Variants in ELF1 observed in about 807,000 individuals in gnomAD.
ELF1 encodes the protein E74 like ETS transcription factor 1, also known as ETS-related transcription factor Elf-1.
In ELF1, 24 loss-of-function variants were observed where a neutral mutation model predicts 59.9. The observed-to-expected ratio is 0.40, with a 90% CI of 0.29 to 0.56. The LOEUF is 0.56. ELF1 is among the 20% of genes least tolerant of loss of function. ELF1 has a pLI of 0.44. For missense variants in ELF1, 627 were observed against 742.2 expected, an observed-to-expected ratio of 0.84 and a Z score of 1.80; for synonymous variants, 248 against 266.2, an observed-to-expected ratio of 0.93 and a Z score of 0.67.
chr13:40,992,401 T>C (rs530544139), intron 1 of ELF1, among the ~76,000 whole-genome samples: 9 of 152,340 alleles, frequency 5.9e-5, no homozygotes, highest in South Asian at 4.1e-4. Context: ...AAGCTTAGGA[T>C]AGAAACACAA....
chr13:40,943,193 G>A (rs1171511322), intron 6 of ELF1, 49 bp from the exon 7 acceptor site: 1 of 1,419,004 alleles, frequency 7.0e-7, no homozygotes, highest in Non-Finnish European at 9.3e-7. Context: ...TCATTTAAAA[G>A]AACCTCAAAA....
intron 2 of ELF1, among the ~76,000 whole-genome samples, chr13:40,962,098 T>C (rs1016776673): frequency 1.3e-5 from 2 of 152,206 alleles, no homozygotes; most frequent in African/African-American, 4.8e-5. Flanking sequence ...AGTTACTCTA[T>C]TCTCCAGAAT....
intron 1 of ELF1, among the ~76,000 whole-genome samples, chr13:41,033,015 C>A (rs1196602393): frequency 1.3e-5 from 2 of 152,088 alleles, no homozygotes; most frequent in African/African-American, 2.4e-5. Flanking sequence ...TCTTAGCCCC[C>A]AAAATGATTT....
chr13:40,956,817 C>G (rs1294680794), intron 3 of ELF1, among the ~76,000 whole-genome samples: 1 of 150,546 alleles, frequency 6.6e-6, no homozygotes, highest in Non-Finnish European at 1.5e-5. Flanking sequence ...CTCAGCCTTC[C>G]GAATAGCTAA....
At chr13:41,024,656 C>A (rs1250648114) in intron 1 of ELF1, among the ~76,000 whole-genome samples, 4 of 152,108 alleles carry the variant, frequency 2.6e-5, no homozygotes, top group Non-Finnish European at 5.9e-5. Context: ...GGATTACAGG[C>A]ATGAACAACC....
At chr13:41,056,304 T>C (rs1419440947) in intron 1 of ELF1, among the ~76,000 whole-genome samples, 1 of 152,264 alleles carries the variant, frequency 6.6e-6, no homozygotes, top group African/African-American at 2.4e-5. Context: ...AATGTTCTTG[T>C]GATTGAGTAC....
chr13:40,983,136 T>C (rs1420189615), intron 1 of ELF1, among the ~76,000 whole-genome samples: 1 of 152,136 alleles, frequency 6.6e-6, no homozygotes, highest in Non-Finnish European at 1.5e-5. Context: ...AAGGAAAAAA[T>C]TCTTTAGGTG....
chr13:40,940,484 T>A (rs1305403541), intron 8 of ELF1, among the ~76,000 whole-genome samples: 1 of 151,264 alleles, frequency 6.6e-6, no homozygotes, highest in African/African-American at 2.4e-5. Context: ...TCCCTTCCTA[T>A]TTGAACTTTA....
At chr13:41,001,450 A>G (rs758247328) in intron 1 of ELF1, among the ~76,000 whole-genome samples, 27 of 152,120 alleles carry the variant, frequency 1.8e-4, no homozygotes, top group Non-Finnish European at 3.4e-4. Flanking sequence ...AACCACATCC[A>G]TATTTTGTGG....
intron 1 of ELF1, among the ~76,000 whole-genome samples, chr13:41,044,068 G>A (rs1008510218): frequency 9.9e-5 from 15 of 152,122 alleles, no homozygotes; most frequent in African/African-American, 3.6e-4. Context: ...ATTGTGAATG[G>A]GAGTTCACTC....
intron 8 of ELF1, 117 bp downstream of exon 8, chr13:40,940,804 C>G: frequency 8.2e-7 from 1 of 1,213,198 alleles, no homozygotes; most frequent in South Asian, 1.7e-5. Context: ...ACCAAGAATT[C>G]TAGCTTGAAA....
At chr13:40,961,649 T>C (rs1333122484) in intron 2 of ELF1, among the ~76,000 whole-genome samples, 1 of 152,232 alleles carries the variant, frequency 6.6e-6, no homozygotes, top group African/African-American at 2.4e-5. Flanking sequence ...TAGCCTTCCC[T>C]TTCCCTTTTT....
chr13:41,055,340 T>C (rs1430206913), intron 1 of ELF1, among the ~76,000 whole-genome samples: 1 of 151,854 alleles, frequency 6.6e-6, no homozygotes, highest in Non-Finnish European at 1.5e-5. Flanking sequence ...TGCTAGTAAC[T>C]GTTGACATGC....
At chr13:41,053,259 C>T (rs950721968) in intron 1 of ELF1, among the ~76,000 whole-genome samples, 1 of 151,728 alleles carries the variant, frequency 6.6e-6, no homozygotes, top group African/African-American at 2.4e-5. Context: ...GAGGCTGAGG[C>T]ATGAGAATTG....
At chr13:41,023,691 G>T (rs1375753768), upstream of ELF1, among the ~76,000 whole-genome samples, 7 of 152,140 alleles carry the variant, frequency 4.6e-5, no homozygotes. Context: ...CAGGTAACTA[G>T]GTGGTACTTT....
chr13:40,940,411 A>AAC (rs1870072500), intron 8 of ELF1, among the ~76,000 whole-genome samples: 2 of 93,708 alleles, frequency 2.1e-5, no homozygotes, highest in African/African-American at 2.9e-5. Context: ...AAAAAAAAAA[A>AAC]AAAAAAACAA....
chr13:41,061,231 GGAGGCGGCGCGCTGAGCTCCTTGGCCTT>G, exon 1 of ELF1: 1 of 234,840 alleles, frequency 4.3e-6, no homozygotes, highest in Non-Finnish European at 8.7e-6. Flanking sequence ...CGTTCCGGGC[GGAGGCGGCGCGCTGAGCTCCTTGGCCTT>G]GAGCCAGCGA....
At chr13:40,952,955 T>G (rs754554211) in intron 3 of ELF1, among the ~76,000 whole-genome samples, 7 of 150,364 alleles carry the variant, frequency 4.7e-5, no homozygotes, top group Non-Finnish European at 7.4e-5. Flanking sequence ...TACTATCATA[T>G]CTTAAATATA....
chr13:40,933,328 A>T lies in ELF1; in HGVS notation c.*97T>A. Reference sequence around the variant, plus strand: ...CTCTATTTTTAACAATTACAAAATTAGAAACCTCCTTAGAATTTATCTTAG... The same window carrying T: ...CTCTATTTTTAACAATTACAAAATTTGAAACCTCCTTAGAATTTATCTTAG... On this transcript the variant is annotated 3_prime_UTR_variant, in exon 9 of 9. Transcript: ENST00000239882. 6.9e-7 allele frequency: 1 copy of T among 1,446,854 alleles called. No homozygotes were observed. 89.6% of individuals were successfully genotyped at this position (1,446,854 alleles called of 1,614,324 possible). A position where few individuals can be genotyped will look rare whatever the true frequency, so the allele number is the denominator to read the frequency against.
Sources: gnomAD v4.1 joint callset for allele counts (sites outside exome capture counted in the v4.1 genomes callset) on GRCh38, gnomAD v4.1.1 for gene constraint, MANE v1.5 for transcripts, NCBI Gene and HGNC (gene_info 2026-07-23, HGNC 2026-07-21) for gene names.